Variants in TENM3 observed in about 807,000 individuals in gnomAD.
TENM3 encodes the protein teneurin transmembrane protein 3.
A neutral mutation model predicts 255.1 loss-of-function variants in TENM3; 63 were observed. The observed-to-expected ratio is 0.25, with a 90% confidence interval of 0.20 to 0.30. The LOEUF is 0.30. TENM3 is among the 10% of genes least tolerant of loss of function. The pLI is 1.00. For missense variants in TENM3, 2,929 were observed against 3,461.1 expected, an observed-to-expected ratio of 0.85 and a Z score of 3.86; for synonymous variants, 1,306 against 1,322.3, an observed-to-expected ratio of 0.99 and a Z score of 0.27.
chr4:182,666,604 A>G (rs183073652), intron 6 of TENM3, among the ~76,000 whole-genome samples: 85 of 152,322 alleles, frequency 5.6e-4, no homozygotes, highest in African/African-American at 2.0e-3. Flanking sequence ...GTTGGTTTGT[A>G]GAAACCTATT....
the TENM3 span, among the ~76,000 whole-genome samples, chr4:181,559,674 T>C: frequency 6.6e-6 from 1 of 152,258 alleles, no homozygotes; most frequent in African/African-American, 2.4e-5. Context: ...TTTAACATTA[T>C]GACTATCGAG....
intron 4 of TENM3, among the ~76,000 whole-genome samples, chr4:182,602,514 C>G (rs1560988433): frequency 6.6e-6 from 1 of 152,184 alleles, no homozygotes; most frequent in African/African-American, 2.4e-5. Flanking sequence ...CAATGAAAGT[C>G]TTTCTGTGTT....
At chr4:182,474,893 C>T (rs1210109431) in intron 3 of TENM3, among the ~76,000 whole-genome samples, 2 of 152,108 alleles carry the variant, frequency 1.3e-5, no homozygotes, top group Admixed American at 1.3e-4. Flanking sequence ...CCCATTATCG[C>T]TGCTCCCTAA....
At chr4:181,817,005 C>T in the TENM3 span, among the ~76,000 whole-genome samples, 1 of 152,188 alleles carries the variant, frequency 6.6e-6, no homozygotes, top group African/African-American at 2.4e-5. Flanking sequence ...AGCATCTTGC[C>T]CAAGTTGCAC....
intron 3 of TENM3, among the ~76,000 whole-genome samples, chr4:182,507,087 T>A (rs373871822): frequency 6.6e-6 from 1 of 152,048 alleles, no homozygotes; most frequent in African/African-American, 2.4e-5. Context: ...GACACTGGAA[T>A]CAACATCTGA....
At chr4:182,043,645 AATT>A in the TENM3 span, among the ~76,000 whole-genome samples, 1 of 152,172 alleles carries the variant, frequency 6.6e-6, no homozygotes, top group Non-Finnish European at 1.5e-5. Flanking sequence ...TTTTAGGATA[AATT>A]ATTATTGAAG....
intron 3 of TENM3, among the ~76,000 whole-genome samples, chr4:182,434,117 TAA>T (rs140378247): frequency 2.8e-4 from 41 of 146,420 alleles, no homozygotes; most frequent in Admixed American, 3.4e-4. Flanking sequence ...CTGCCTCCAT[TAA>T]AAAAAAAAAA....
At chr4:182,500,337 A>C (rs530875477) in intron 3 of TENM3, among the ~76,000 whole-genome samples, 13 of 152,298 alleles carry the variant, frequency 8.5e-5, no homozygotes, top group African/African-American at 3.1e-4. Context: ...CAGTAAATTT[A>C]AAAAGGGACA....
the TENM3 span, among the ~76,000 whole-genome samples, chr4:182,016,623 T>C: frequency 6.6e-6 from 1 of 152,152 alleles, no homozygotes; most frequent in South Asian, 2.1e-4. Context: ...ACATTCTCTA[T>C]AGGCAACTTT....
At chr4:182,085,678 G>A in the TENM3 span, among the ~76,000 whole-genome samples, 2 of 152,090 alleles carry the variant, frequency 1.3e-5, no homozygotes, top group East Asian at 1.9e-4. Flanking sequence ...GTGATCTGGC[G>A]TGCCTAAACT....
At chr4:181,471,731 T>C in the TENM3 span, among the ~76,000 whole-genome samples, 1 of 152,176 alleles carries the variant, frequency 6.6e-6, no homozygotes, top group South Asian at 2.1e-4. Context: ...TCCTCACCTA[T>C]TGCAAGGCTC....
At chr4:181,767,069 G>C in the TENM3 span, among the ~76,000 whole-genome samples, 1 of 128,300 alleles carries the variant, frequency 7.8e-6, no homozygotes, top group African/African-American at 2.9e-5. Context: ...TGGCTAACAA[G>C]GGGAAATCCC....
the TENM3 span, among the ~76,000 whole-genome samples, chr4:182,059,743 TA>T: frequency 2.5e-5 from 1 of 40,568 alleles, no homozygotes; most frequent in East Asian, 8.3e-4. Flanking sequence ...ACTCTGTCTC[TA>T]CAAAAAAAAA....
chr4:181,992,458 T>C, the TENM3 span, among the ~76,000 whole-genome samples: 1 of 152,172 alleles, frequency 6.6e-6, no homozygotes, highest in South Asian at 2.1e-4. Flanking sequence ...CTAGTGGCAC[T>C]AGAAGAATTA....
chr4:181,611,920 G>A, the TENM3 span, among the ~76,000 whole-genome samples: 3 of 152,340 alleles, frequency 2.0e-5, no homozygotes, highest in African/African-American at 7.2e-5. Flanking sequence ...CTTGGGTAGT[G>A]TGGCATTTTG....
intron 3 of TENM3, among the ~76,000 whole-genome samples, chr4:182,471,171 TCA>T (rs1230883718): frequency 6.6e-6 from 1 of 152,194 alleles, no homozygotes; most frequent in Non-Finnish European, 1.5e-5. Flanking sequence ...AATACACACT[TCA>T]CTGTAATAGG....
intron 11 of TENM3, among the ~76,000 whole-genome samples, chr4:182,684,573 T>G (rs774648115): frequency 6.6e-6 from 1 of 152,108 alleles, no homozygotes; most frequent in Non-Finnish European, 1.5e-5. Flanking sequence ...ACAGTTGAGG[T>G]AAGGCTTAAA....
At chr4:182,627,601 T>C (rs922649991) in intron 4 of TENM3, among the ~76,000 whole-genome samples, 2 of 152,392 alleles carry the variant, frequency 1.3e-5, no homozygotes, top group Middle Eastern at 3.4e-3. Context: ...CTTCATTGAA[T>C]GTATTAGGAA....
chr4:181,668,438 G>A, the TENM3 span, among the ~76,000 whole-genome samples: 1 of 152,222 alleles, frequency 6.6e-6, no homozygotes, highest in Admixed American at 6.5e-5. Context: ...GAGGCCAGAA[G>A]TCTGAGGTCA....
Sources: gnomAD v4.1 joint callset for allele counts (sites outside exome capture counted in the v4.1 genomes callset) on GRCh38, gnomAD v4.1.1 for gene constraint, MANE v1.5 for transcripts, NCBI Gene and HGNC (gene_info 2026-07-23, HGNC 2026-07-21) for gene names.